The following RAP1GDS1 variants were observed in gnomAD, a reference collection of about 807,000 sequenced individuals.
The protein encoded by RAP1GDS1 is RAP1, GTP-GDP dissociation stimulator 1.
RAP1GDS1 carries 35 observed loss-of-function variants against 71.1 expected under a neutral mutation model. That is an observed-to-expected ratio of 0.49 (90% CI 0.38 to 0.65). The LOEUF is 0.65. Among genes scored for constraint, RAP1GDS1 ranks in the 30% least tolerant of loss-of-function variants. The pLI, the probability that RAP1GDS1 is intolerant of heterozygous loss-of-function variation, is 0.00. For synonymous variants in RAP1GDS1, 229 were observed against 243.1 expected (o/e 0.94, Z 0.54); for missense variants, 663 against 706.1 (o/e 0.94, Z 0.69).
chr4:98,385,093 A>G (rs1742543228), intron 5 of RAP1GDS1, among the ~76,000 whole-genome samples: 1 of 151,692 alleles, frequency 6.6e-6, no homozygotes, highest in African/African-American at 2.4e-5. Flanking sequence ...GAAAATTTGA[A>G]GTGGAAAAAT....
intron 4 of RAP1GDS1, among the ~76,000 whole-genome samples, chr4:98,358,925 A>G (rs1430632579): frequency 6.6e-6 from 1 of 151,864 alleles, no homozygotes; most frequent in African/African-American, 2.4e-5. Flanking sequence ...TGAGCCTCTA[A>G]TTACTTCTAA....
rs571971190 is a variant in RAP1GDS1 at position 98,380,339 on chromosome 4, T to G, written c.508+1176T>G. Among the ~76,000 whole-genome samples the G allele has an allele frequency of 1.4e-4, 21 of 151,834 alleles. No homozygotes were observed. The South Asian group carries it at 4.4e-3, about 32-fold the overall frequency. On this transcript the variant is annotated intron_variant, in intron 5 of 14. Coordinates refer to ENST00000408927, the MANE Select transcript of RAP1GDS1 (RefSeq NM_001100427.2). Reference sequence around the variant, plus strand: ...TCTAGTTTGTTATGTGACATCTGAGTTTTAAATGTTGGATTACATATTTTT... The same window carrying G: ...TCTAGTTTGTTATGTGACATCTGAGGTTTAAATGTTGGATTACATATTTTT...
intron 2 of RAP1GDS1, among the ~76,000 whole-genome samples, chr4:98,318,610 C>G (rs1731296376): frequency 6.6e-6 from 1 of 152,136 alleles, no homozygotes; most frequent in Admixed American, 6.6e-5. Flanking sequence ...CAGTAGGCTG[C>G]TATTGACCTT....
chr4:98,373,750 T>C (rs746796300), intron 4 of RAP1GDS1, among the ~76,000 whole-genome samples: 5 of 152,160 alleles, frequency 3.3e-5, no homozygotes, highest in Non-Finnish European at 5.9e-5. Context: ...AACCATGAAT[T>C]AGGCATGGTA....
chr4:98,439,177 A>G (rs1243221157), intron 14 of RAP1GDS1, among the ~76,000 whole-genome samples: 2 of 152,220 alleles, frequency 1.3e-5, no homozygotes, highest in Non-Finnish European at 2.9e-5. Flanking sequence ...ACATTGTCAA[A>G]TGACAGAAAA....
At chr4:98,365,264 G>A (rs537543803) in intron 4 of RAP1GDS1, among the ~76,000 whole-genome samples, 1 of 152,166 alleles carries the variant, frequency 6.6e-6, no homozygotes, top group African/African-American at 2.4e-5. Flanking sequence ...CTTCAAGTTT[G>A]CAGACAAGTA....
At chr4:98,285,508 A>G (rs1262760808) in intron 1 of RAP1GDS1, among the ~76,000 whole-genome samples, 1 of 152,154 alleles carries the variant, frequency 6.6e-6, no homozygotes, top group Admixed American at 6.6e-5. Context: ...ACAGGAGCCT[A>G]ATAAAACCTT....
chr4:98,355,584 A>G (rs1362616370), intron 4 of RAP1GDS1, among the ~76,000 whole-genome samples: 8 of 152,296 alleles, frequency 5.3e-5, no homozygotes, highest in Non-Finnish European at 8.8e-5. Context: ...AAATTCATAC[A>G]TGTTCTATAG....
chr4:98,261,641 A>T, intron 1 of RAP1GDS1, 72 bp downstream of exon 1: 1 of 1,523,654 alleles, frequency 6.6e-7, no homozygotes, highest in Non-Finnish European at 9.0e-7. Flanking sequence ...GGTGGGAAGC[A>T]TTTCTCGCGC....
chr4:98,402,146 C>G (rs1388971131), intron 6 of RAP1GDS1, among the ~76,000 whole-genome samples: 2 of 152,088 alleles, frequency 1.3e-5, no homozygotes, highest in Non-Finnish European at 2.9e-5. Context: ...GATCTCTGCT[C>G]ACTGCACCTC....
At chr4:98,401,647 T>C (rs556744231) in intron 6 of RAP1GDS1, among the ~76,000 whole-genome samples, 10 of 152,356 alleles carry the variant, frequency 6.6e-5, no homozygotes, top group African/African-American at 2.4e-4. Flanking sequence ...TAAATGAGGC[T>C]TCTTGCCAAA....
chr4:98,326,987 G>C (rs1252722329), intron 2 of RAP1GDS1, among the ~76,000 whole-genome samples: 1 of 152,186 alleles, frequency 6.6e-6, no homozygotes, highest in Non-Finnish European at 1.5e-5. Flanking sequence ...AGATCTCAGA[G>C]AAATGAAGCA....
chr4:98,386,891 A>G (rs1742849120), intron 5 of RAP1GDS1, among the ~76,000 whole-genome samples: 1 of 152,112 alleles, frequency 6.6e-6, no homozygotes, highest in African/African-American at 2.4e-5. Context: ...CTTCAGTTGT[A>G]TCGTTTCTAA....
chr4:98,265,019 C>A (rs72892347), intron 1 of RAP1GDS1, among the ~76,000 whole-genome samples: 2,965 of 152,134 alleles, frequency 0.019, 106 homozygotes, highest in African/African-American at 0.068. Flanking sequence ...TCTGACTTAC[C>A]TATTGAGAGA....
At chr4:98,360,529 A>G (rs1167654187) in intron 4 of RAP1GDS1, among the ~76,000 whole-genome samples, 1 of 151,974 alleles carries the variant, frequency 6.6e-6, no homozygotes, top group African/African-American at 2.4e-5. Context: ...CTCTCATTTC[A>G]CCTGTTAAAG....
At chr4:98,350,697 C>T (rs183824373) in intron 3 of RAP1GDS1, among the ~76,000 whole-genome samples, 8 of 152,108 alleles carry the variant, frequency 5.3e-5, no homozygotes, top group Admixed American at 4.6e-4. Flanking sequence ...AATTAGCTGG[C>T]TGTGGTGGCA....
At chr4:98,360,462 CT>C (rs1738573390) in intron 4 of RAP1GDS1, among the ~76,000 whole-genome samples, 1 of 150,918 alleles carries the variant, frequency 6.6e-6, no homozygotes, top group South Asian at 2.1e-4. Flanking sequence ...TAGAGGCCTA[CT>C]TGGGGGTTTA....
chr4:98,316,655 T>C (rs373640487), intron 2 of RAP1GDS1, among the ~76,000 whole-genome samples: 2 of 152,146 alleles, frequency 1.3e-5, no homozygotes, highest in East Asian at 3.9e-4. Context: ...AGAGAGAAGC[T>C]GTTTTTGAAT....
intron 1 of RAP1GDS1, among the ~76,000 whole-genome samples, chr4:98,278,080 A>G (rs1028794688): frequency 3.3e-5 from 5 of 152,146 alleles, no homozygotes; most frequent in African/African-American, 9.6e-5. Flanking sequence ...CTTTAGTCCA[A>G]CCAAGTTACT....
Sources: allele counts gnomAD v4.1 joint callset (sites outside exome capture counted in the v4.1 genomes callset), GRCh38; gene constraint gnomAD v4.1.1; transcripts MANE v1.5; gene names NCBI Gene and HGNC (gene_info 2026-07-23, HGNC 2026-07-21).